Variants in ADAM12 observed in about 807,000 individuals in gnomAD.
ADAM12 encodes ADAM metallopeptidase domain 12.
In ADAM12, 70 loss-of-function variants were observed where a neutral mutation model predicts 106.4. The observed-to-expected ratio is 0.66, with a 90% CI of 0.54 to 0.80. The LOEUF (loss-of-function observed/expected upper bound fraction) is 0.80. Among genes scored for constraint, ADAM12 ranks in the 30% least tolerant of loss-of-function variants. ADAM12 has a pLI of 0.00. For missense variants in ADAM12, 1,010 were observed against 1,171.9 expected (o/e 0.86, Z 2.02); for synonymous variants, 420 against 433.5 (o/e 0.97, Z 0.39).
At chr10:126,295,926 CACAT>C (rs1232725926) in intron 2 of ADAM12, among the ~76,000 whole-genome samples, 1 of 151,030 alleles carries the variant, frequency 6.6e-6, no homozygotes, top group Non-Finnish European at 1.5e-5. Flanking sequence ...CACACACACA[CACAT>C]AAACACACAC....
chr10:126,312,134 A>G (rs981096852), intron 2 of ADAM12, among the ~76,000 whole-genome samples: 54 of 74,554 alleles, frequency 7.2e-4, no homozygotes, highest in South Asian at 3.9e-3. Flanking sequence ...TGGTGTGGAA[A>G]AAAAAAAAAA....
intron 3 of ADAM12, among the ~76,000 whole-genome samples, chr10:126,206,918 C>T (rs1957810146): frequency 6.8e-6 from 1 of 146,468 alleles, no homozygotes; most frequent in Non-Finnish European, 1.5e-5. Context: ...CCTTTCTGTT[C>T]TCCTGATAGT....
At chr10:126,197,062 G>A (rs1304773569) in intron 3 of ADAM12, among the ~76,000 whole-genome samples, 1 of 152,178 alleles carries the variant, frequency 6.6e-6, no homozygotes, top group African/African-American at 2.4e-5. Flanking sequence ...ATGGGAAGAA[G>A]AGAAAGAAGT....
intron 3 of ADAM12, among the ~76,000 whole-genome samples, chr10:126,188,281 T>C (rs530557459): frequency 4.0e-4 from 61 of 152,344 alleles, no homozygotes; most frequent in Admixed American, 4.0e-3. Flanking sequence ...CCTGAGTTTC[T>C]GTGGACCTTT....
rs10549268 is a variant in ADAM12, at chr10:126,178,408, CTTTTT to C, written c.261-23108_261-23104del. On this transcript the variant is annotated intron_variant, in intron 3 of 22. Coordinates refer to ENST00000448723, the MANE Select transcript of ADAM12 (RefSeq NM_001288973.2). ...TACCTTAGTCCTCATTGGAGGACAT[CTTTTT>C]TTTTTTTTTTTTTTTTTTTGGATAA... Among the ~76,000 whole-genome samples, 397 of 103,906 alleles carry C rather than the reference CTTTTT, an allele frequency of 3.8e-3. 6 individuals are homozygous for C. In the East Asian group the frequency reaches 0.052, roughly 14 times the overall value. 68.2% of individuals were successfully genotyped at this position (103,906 alleles called of 152,430 possible). A position where few individuals can be genotyped will look rare whatever the true frequency, so the allele number is the denominator to read the frequency against.
intron 1 of ADAM12, among the ~76,000 whole-genome samples, chr10:126,336,928 A>G (rs1271492428): frequency 1.3e-5 from 2 of 152,224 alleles, no homozygotes; most frequent in Non-Finnish European, 2.9e-5. Flanking sequence ...ATTCCTTGCT[A>G]TTCAGATCCT....
At chr10:126,163,406 G>A (rs185052150) in intron 3 of ADAM12, among the ~76,000 whole-genome samples, 1 of 152,202 alleles carries the variant, frequency 6.6e-6, no homozygotes, top group East Asian at 1.9e-4. Flanking sequence ...AAAATCTTTG[G>A]ACATACTGGC....
chr10:126,171,365 G>A (rs900698749), intron 3 of ADAM12, among the ~76,000 whole-genome samples: 2 of 152,136 alleles, frequency 1.3e-5, no homozygotes, highest in Non-Finnish European at 2.9e-5. Context: ...GTCTCAAATT[G>A]TAAAATTACT....
chr10:126,314,294 G>A (rs1394584656), intron 2 of ADAM12, among the ~76,000 whole-genome samples: 1 of 152,220 alleles, frequency 6.6e-6, no homozygotes, highest in East Asian at 1.9e-4. Context: ...GAGGAGACCA[G>A]GTGTCCCTGG....
At chr10:126,317,640 G>A (rs990011078) in intron 2 of ADAM12, among the ~76,000 whole-genome samples, 1 of 152,056 alleles carries the variant, frequency 6.6e-6, no homozygotes, top group South Asian at 2.1e-4. Context: ...CCAGGGAAAA[G>A]AGCCTAATGA....
At chr10:126,045,904 A>G (rs1954304560) in intron 17 of ADAM12, 151 bp downstream of exon 17, 1 of 658,250 alleles carries the variant, frequency 1.5e-6, no homozygotes, top group Admixed American at 2.6e-5. Flanking sequence ...GAAAAGGTCA[A>G]AAGAAATGAA....
At chr10:126,303,621 A>C (rs2366710) in intron 2 of ADAM12, among the ~76,000 whole-genome samples, 10,906 of 152,300 alleles carry the variant, frequency 0.072, 513 homozygotes, top group Admixed American at 0.11. Flanking sequence ...AAAGGAAAAT[A>C]ATTTTTGCAC....
intron 3 of ADAM12, among the ~76,000 whole-genome samples, chr10:126,200,188 G>T (rs147581992): frequency 6.6e-6 from 1 of 152,286 alleles, no homozygotes; most frequent in Non-Finnish European, 1.5e-5. Flanking sequence ...GGCAAGAAGT[G>T]CAGCTCACAC....
intron 2 of ADAM12, among the ~76,000 whole-genome samples, chr10:126,322,168 G>A (rs967396701): frequency 6.6e-6 from 1 of 152,148 alleles, no homozygotes; most frequent in Admixed American, 6.5e-5. Context: ...AGTTTTATTG[G>A]AACATAGCCA....
chr10:126,137,590 T>C (rs1330162364), intron 4 of ADAM12, among the ~76,000 whole-genome samples: 1 of 152,202 alleles, frequency 6.6e-6, no homozygotes, highest in Non-Finnish European at 1.5e-5. Context: ...GCTTTCTATC[T>C]CTATGGATTT....
chr10:126,123,247 C>T (rs1956144885), intron 5 of ADAM12, among the ~76,000 whole-genome samples: 1 of 152,222 alleles, frequency 6.6e-6, no homozygotes, highest in Non-Finnish European at 1.5e-5. Flanking sequence ...TCTCACAGCC[C>T]TTACTGGCCC....
At chr10:126,292,227 G>A (rs547906974) in intron 2 of ADAM12, among the ~76,000 whole-genome samples, 15 of 152,018 alleles carry the variant, frequency 9.9e-5, no homozygotes, top group Non-Finnish European at 1.5e-4. Flanking sequence ...CGACTCCCCC[G>A]AGTGCATTCC....
chr10:126,099,067 A>T (rs1291308638), intron 9 of ADAM12, among the ~76,000 whole-genome samples: 2 of 152,342 alleles, frequency 1.3e-5, no homozygotes, highest in South Asian at 4.1e-4. Flanking sequence ...CTAGGGAGGA[A>T]GCTTCTGGAA....
At chr10:126,264,843 C>A (rs1395105634) in intron 3 of ADAM12, among the ~76,000 whole-genome samples, 2 of 152,186 alleles carry the variant, frequency 1.3e-5, no homozygotes, top group African/African-American at 4.8e-5. Flanking sequence ...ACACTGGAAC[C>A]AGTTCCTGCT....
Sources: gnomAD v4.1 joint callset for allele counts (sites outside exome capture counted in the v4.1 genomes callset) on GRCh38, gnomAD v4.1.1 for gene constraint, MANE v1.5 for transcripts, NCBI Gene and HGNC (gene_info 2026-07-23, HGNC 2026-07-21) for gene names.